CADPS: variants seen among roughly 807,000 people sequenced by gnomAD.
The protein encoded by CADPS is calcium-dependent secretion activator 1.
CADPS carries 57 observed loss-of-function variants against 167.3 expected under a neutral mutation model. The observed-to-expected ratio is 0.34, with a 90% CI of 0.28 to 0.42. The LOEUF (loss-of-function observed/expected upper bound fraction) is 0.42. Among genes scored for constraint, CADPS ranks in the 20% least tolerant of loss-of-function variants. CADPS has a pLI of 1.00. For synonymous variants in CADPS, 676 were observed against 635.3 expected (o/e 1.06, Z -0.96); for missense variants, 1,414 against 1,738.1 (o/e 0.81, Z 3.32).
At chr3:62,496,678 T>G (rs1405791503) in intron 18 of CADPS, among the ~76,000 whole-genome samples, 2 of 152,098 alleles carry the variant, frequency 1.3e-5, no homozygotes, top group Non-Finnish European at 2.9e-5. Flanking sequence ...ATGAGAGAAG[T>G]TATACTGGAA....
At chr3:62,827,729 T>A (rs1392764077) in intron 1 of CADPS, among the ~76,000 whole-genome samples, 1 of 152,094 alleles carries the variant, frequency 6.6e-6, no homozygotes. Context: ...AAAACAACCA[T>A]CTTGTTACAG....
intron 6 of CADPS, among the ~76,000 whole-genome samples, chr3:62,619,262 G>A (rs1223877896): frequency 6.6e-6 from 1 of 152,172 alleles, no homozygotes; most frequent in Admixed American, 6.5e-5. Flanking sequence ...AAGATATCTA[G>A]TGTCTTAGTT....
intron 28 of CADPS, among the ~76,000 whole-genome samples, chr3:62,413,702 A>G (rs954026406): frequency 1.3e-5 from 2 of 152,210 alleles, no homozygotes; most frequent in African/African-American, 4.8e-5. Context: ...GTGAATCTAT[A>G]TAATACTATT....
At chr3:62,450,757 A>G (rs2057919866) in intron 26 of CADPS, among the ~76,000 whole-genome samples, 1 of 152,204 alleles carries the variant, frequency 6.6e-6, no homozygotes, top group African/African-American at 2.4e-5. Flanking sequence ...AACAAAGAAC[A>G]TTTACTATGT....
At chr3:62,810,729 T>G (rs2094354380) in intron 1 of CADPS, among the ~76,000 whole-genome samples, 1 of 152,228 alleles carries the variant, frequency 6.6e-6, no homozygotes, top group Non-Finnish European at 1.5e-5. Flanking sequence ...CTTGAGTGTC[T>G]TTGTTCCCTG....
chr3:62,489,037 T>TC (rs1424255711), intron 21 of CADPS, among the ~76,000 whole-genome samples: 3 of 152,230 alleles, frequency 2.0e-5, no homozygotes, highest in Non-Finnish European at 4.4e-5. Context: ...GTAAAAATAT[T>TC]CCCAAGAAAA....
chr3:62,430,018 G>A (rs2053601608), intron 28 of CADPS, among the ~76,000 whole-genome samples: 1 of 152,138 alleles, frequency 6.6e-6, no homozygotes, highest in South Asian at 2.1e-4. Context: ...GGCTTTGGAA[G>A]GAAATAGCTA....
chr3:62,509,455 G>A (rs1487192023), intron 17 of CADPS, among the ~76,000 whole-genome samples: 1 of 152,088 alleles, frequency 6.6e-6, no homozygotes, highest in Non-Finnish European at 1.5e-5. Context: ...GTGGGGTGGT[G>A]GCTTGGCTCT....
At chr3:62,844,275 T>C (rs1487926108) in intron 1 of CADPS, among the ~76,000 whole-genome samples, 3 of 152,146 alleles carry the variant, frequency 2.0e-5, no homozygotes, top group Non-Finnish European at 2.9e-5. Context: ...GCAGAAATCT[T>C]AGACTTGACT....
intron 3 of CADPS, among the ~76,000 whole-genome samples, chr3:62,720,978 C>T (rs2971932): frequency 0.2 from 30,221 of 151,330 alleles, 3,227 homozygotes; most frequent in African/African-American, 0.23. Flanking sequence ...CCACCACGCC[C>T]GGCTAATTTT....
chr3:62,737,449 C>T (rs28444548), intron 3 of CADPS, among the ~76,000 whole-genome samples: 2 of 150,518 alleles, frequency 1.3e-5, no homozygotes, highest in African/African-American at 4.9e-5. Flanking sequence ...GCCTGGGCAA[C>T]AGAGTGAGAC....
chr3:62,859,815 T>G lies in CADPS; in HGVS notation c.441+14774A>C, dbSNP rs531203877. Among the ~76,000 whole-genome samples the G allele has an allele frequency of 2.6e-5, 4 of 152,264 alleles. No homozygotes were observed. In the South Asian group the frequency reaches 8.3e-4, roughly 32 times the overall value. On this transcript the variant is annotated intron_variant, in intron 1 of 29. Transcript: ENST00000383710. Reference sequence around the variant, plus strand: ...GAGATATTGGTTTGTGTTGACAATATTCTTCAGAAAATAAAGCCTCAAAGT... The same window carrying G: ...GAGATATTGGTTTGTGTTGACAATAGTCTTCAGAAAATAAAGCCTCAAAGT...
At chr3:62,569,261 C>T (rs1308469645) in intron 9 of CADPS, among the ~76,000 whole-genome samples, 1 of 152,068 alleles carries the variant, frequency 6.6e-6, no homozygotes, top group Non-Finnish European at 1.5e-5. Flanking sequence ...CCACCATACC[C>T]GGCTAATTTT....
At chr3:62,684,554 C>T (rs546179348) in intron 3 of CADPS, among the ~76,000 whole-genome samples, 1 of 152,182 alleles carries the variant, frequency 6.6e-6, no homozygotes, top group South Asian at 2.1e-4. Context: ...CAGATGAGAA[C>T]ATTAATGGTT....
intron 1 of CADPS, among the ~76,000 whole-genome samples, chr3:62,818,581 C>T (rs1182632139): frequency 1.3e-5 from 2 of 152,162 alleles, no homozygotes; most frequent in Admixed American, 6.5e-5. Context: ...TCATGCATTG[C>T]TGGGAGATGT....
intron 28 of CADPS, among the ~76,000 whole-genome samples, chr3:62,425,566 C>A (rs1436548289): frequency 6.6e-6 from 1 of 152,174 alleles, no homozygotes; most frequent in Admixed American, 6.5e-5. Flanking sequence ...AGTTCTGATG[C>A]ATACCCCTGG....
intron 28 of CADPS, among the ~76,000 whole-genome samples, chr3:62,416,252 A>G (rs907641195): frequency 6.6e-6 from 1 of 152,188 alleles, no homozygotes; most frequent in Non-Finnish European, 1.5e-5. Flanking sequence ...AGAACATAGT[A>G]ATCCTACCTG....
intron 21 of CADPS, among the ~76,000 whole-genome samples, chr3:62,482,452 T>C (rs1378165796): frequency 1.3e-5 from 2 of 152,208 alleles, no homozygotes; most frequent in African/African-American, 2.4e-5. Flanking sequence ...GGCAATGGCA[T>C]GTCAGTTGAT....
At chr3:62,679,620 G>T (rs2076835880) in intron 3 of CADPS, among the ~76,000 whole-genome samples, 2 of 152,012 alleles carry the variant, frequency 1.3e-5, no homozygotes, top group Admixed American at 1.3e-4. Flanking sequence ...GAAATAACTG[G>T]AGAGGAGATT....
Sources: gnomAD v4.1 joint callset for allele counts (sites outside exome capture counted in the v4.1 genomes callset) on GRCh38, gnomAD v4.1.1 for gene constraint, MANE v1.5 for transcripts, NCBI Gene and HGNC (gene_info 2026-07-23, HGNC 2026-07-21) for gene names.